The following ROBO2 variants were observed in gnomAD, a reference collection of about 807,000 sequenced individuals.
ROBO2 encodes the protein roundabout guidance receptor 2.
Under a neutral mutation model 160.8 loss-of-function variants are expected in ROBO2, and 53 were observed. That is an observed-to-expected ratio of 0.33 (90% CI 0.26 to 0.41). The LOEUF is 0.41. ROBO2 is among the 10% of genes least tolerant of loss of function. The probability of loss-of-function intolerance (pLI) is 1.00; values close to 1 mark genes in which losing one functional copy is unlikely to be tolerated. For missense variants in ROBO2, 1,577 were observed against 1,722.4 expected, an observed-to-expected ratio of 0.92 and a Z score of 1.49; for synonymous variants, 664 against 611.7, an observed-to-expected ratio of 1.09 and a Z score of -1.26.
At chr3:76,619,605 T>C (rs910818511) in intron 2 of ROBO2, among the ~76,000 whole-genome samples, 6 of 152,194 alleles carry the variant, frequency 3.9e-5, no homozygotes, top group Non-Finnish European at 7.3e-5. Context: ...CATATTATCA[T>C]TACAAAGTAG....
chr3:76,156,189 G>C (rs9858587), intron 2 of ROBO2, among the ~76,000 whole-genome samples: 7,029 of 151,984 alleles, frequency 0.046, 379 homozygotes, highest in East Asian at 0.23. Context: ...TATTATAGAA[G>C]GAGATGAGCT....
At chr3:77,433,486 G>GTATATATATATATATAAATATATATA (rs2078986698) in intron 2 of ROBO2, among the ~76,000 whole-genome samples, 1 of 99,402 alleles carries the variant, frequency 1.0e-5, no homozygotes, top group African/African-American at 3.5e-5. Context: ...CTGGCAACTT[G>GTATATATATATATATAAATATATATA]TATATATATA....
At chr3:77,436,986 A>G (rs1321383770) in intron 2 of ROBO2, among the ~76,000 whole-genome samples, 6 of 152,038 alleles carry the variant, frequency 3.9e-5, no homozygotes, top group Non-Finnish European at 1.5e-5. Flanking sequence ...ACAATTGTAT[A>G]CACATGATTT....
intron 1 of ROBO2, among the ~76,000 whole-genome samples, chr3:77,055,976 A>G (rs984983079): frequency 1.3e-5 from 2 of 152,236 alleles, no homozygotes; most frequent in African/African-American, 4.8e-5. Context: ...ATGACTGCAC[A>G]ATACCAGCAA....
intron 2 of ROBO2, among the ~76,000 whole-genome samples, chr3:76,218,078 T>C (rs1301825042): frequency 6.6e-6 from 1 of 152,128 alleles, no homozygotes; most frequent in African/African-American, 2.4e-5. Context: ...ATTATCTCAA[T>C]AGATGCAAAA....
chr3:76,073,851 A>C (rs1014805306), intron 2 of ROBO2, among the ~76,000 whole-genome samples: 31 of 152,216 alleles, frequency 2.0e-4, no homozygotes, highest in South Asian at 1.2e-3. Context: ...AAATGTGAAC[A>C]AGGGTTCCCT....
At chr3:76,491,152 G>C (rs1383928819) in intron 2 of ROBO2, among the ~76,000 whole-genome samples, 2 of 151,994 alleles carry the variant, frequency 1.3e-5, no homozygotes, top group Non-Finnish European at 2.9e-5. Flanking sequence ...TAGAGATGGG[G>C]TTTCACCATG....
At chr3:76,839,437 C>T (rs1480202212) in intron 2 of ROBO2, among the ~76,000 whole-genome samples, 1 of 152,118 alleles carries the variant, frequency 6.6e-6, no homozygotes, top group Non-Finnish European at 1.5e-5. Flanking sequence ...TCCATGTTGT[C>T]CTTCATTCTG....
chr3:77,039,830 C>T (rs2063897193), upstream of ROBO2: 1 of 152,622 alleles, frequency 6.6e-6, no homozygotes, highest in African/African-American at 2.4e-5. Context: ...CTTCCACCCG[C>T]GGCAGCTGCC....
At chr3:75,942,334 C>G (rs1272734653) in intron 2 of ROBO2, among the ~76,000 whole-genome samples, 2 of 152,014 alleles carry the variant, frequency 1.3e-5, no homozygotes, top group Non-Finnish European at 2.9e-5. Context: ...AGACATTTGG[C>G]AATGAATATT....
At chr3:76,964,681 T>C (rs2079940973) in intron 2 of ROBO2, among the ~76,000 whole-genome samples, 1 of 152,204 alleles carries the variant, frequency 6.6e-6, no homozygotes, top group Non-Finnish European at 1.5e-5. Context: ...CAACAACTGA[T>C]ATAGGTCATT....
intron 2 of ROBO2, among the ~76,000 whole-genome samples, chr3:76,781,920 A>G (rs2062668014): frequency 6.6e-6 from 1 of 150,752 alleles, no homozygotes; most frequent in Admixed American, 6.6e-5. Flanking sequence ...GTTTTTGGAA[A>G]GAGTCAGAGA....
chr3:76,056,078 A>G (rs2067834952), intron 2 of ROBO2, among the ~76,000 whole-genome samples: 1 of 152,260 alleles, frequency 6.6e-6, no homozygotes, highest in South Asian at 2.1e-4. Flanking sequence ...GAGAAAATGA[A>G]AAACAAAAAA....
intron 2 of ROBO2, among the ~76,000 whole-genome samples, chr3:76,328,248 C>G (rs1431980109): frequency 1.3e-5 from 2 of 152,166 alleles, no homozygotes; most frequent in African/African-American, 2.4e-5. Context: ...CCGTCCAACT[C>G]TCAGATTATA....
chr3:76,842,844 A>G, intron 2 of ROBO2, among the ~76,000 whole-genome samples: 1 of 152,114 alleles, frequency 6.6e-6, no homozygotes, highest in Non-Finnish European at 1.5e-5. Flanking sequence ...TCATTATTAT[A>G]TTCATTTCAT....
chr3:76,732,594 T>A (rs1037965272), intron 2 of ROBO2, among the ~76,000 whole-genome samples: 20 of 152,094 alleles, frequency 1.3e-4, no homozygotes, highest in African/African-American at 4.8e-4. Flanking sequence ...TTTTATTAAA[T>A]TTTTTTGGCC....
intron 2 of ROBO2, among the ~76,000 whole-genome samples, chr3:76,118,175 A>G (rs1224297252): frequency 6.6e-6 from 1 of 152,178 alleles, no homozygotes; most frequent in Non-Finnish European, 1.5e-5. Flanking sequence ...AAAGAGAAAA[A>G]AAATAGATGA....
chr3:76,931,371 C>T (rs2077327646), intron 2 of ROBO2, among the ~76,000 whole-genome samples: 1 of 152,126 alleles, frequency 6.6e-6, no homozygotes, highest in Non-Finnish European at 1.5e-5. Context: ...ATAGTGAAAG[C>T]TATCCGTTCT....
intron 2 of ROBO2, among the ~76,000 whole-genome samples, chr3:77,012,322 T>G (rs1039363600): frequency 6.6e-6 from 1 of 152,198 alleles, no homozygotes; most frequent in African/African-American, 2.4e-5. Flanking sequence ...TGTCTTTGGA[T>G]CTTACCTCTT....
Sources: gnomAD v4.1 joint callset for allele counts (sites outside exome capture counted in the v4.1 genomes callset) on GRCh38, gnomAD v4.1.1 for gene constraint, MANE v1.5 for transcripts, NCBI Gene and HGNC (gene_info 2026-07-23, HGNC 2026-07-21) for gene names.